The following TBC1D5 variants were observed in gnomAD, a reference collection of about 807,000 sequenced individuals.
TBC1D5 encodes TBC1 domain family, member 5.
TBC1D5 carries 75 observed loss-of-function variants against 100.3 expected under a neutral mutation model. That is an observed-to-expected ratio of 0.75 (90% CI 0.62 to 0.91). The LOEUF (loss-of-function observed/expected upper bound fraction) is 0.91. TBC1D5 is among the 40% of genes least tolerant of loss of function. TBC1D5 has a pLI of 0.00. For synonymous variants in TBC1D5, 323 were observed against 325.6 expected (o/e 0.99, Z 0.09); for missense variants, 910 against 942.4 (o/e 0.97, Z 0.45).
intron 1 of TBC1D5, among the ~76,000 whole-genome samples, chr3:17,695,371 A>G (rs2071870145): frequency 6.6e-6 from 1 of 152,218 alleles, no homozygotes; most frequent in Non-Finnish European, 1.5e-5. Flanking sequence ...GCAATGACGC[A>G]CATAGGCTAA....
chr3:17,402,357 C>A (rs189362258), intron 8 of TBC1D5, among the ~76,000 whole-genome samples: 1 of 152,044 alleles, frequency 6.6e-6, no homozygotes, highest in Admixed American at 6.6e-5. Context: ...GAGATACTCA[C>A]GATTCTGCAC....
intron 2 of TBC1D5, among the ~76,000 whole-genome samples, chr3:17,596,163 T>TA (rs1350180028): frequency 6.6e-6 from 1 of 152,166 alleles, no homozygotes; most frequent in Non-Finnish European, 1.5e-5. Context: ...GCCAATAGCC[T>TA]AAAAACCATC....
chr3:17,331,245 C>T (rs2086828859), intron 13 of TBC1D5, among the ~76,000 whole-genome samples: 1 of 152,186 alleles, frequency 6.6e-6, no homozygotes, highest in Non-Finnish European at 1.5e-5. Context: ...CAACTCCCAA[C>T]TCCAGCCCCT....
chr3:17,255,902 A>G (rs910543260), intron 16 of TBC1D5, among the ~76,000 whole-genome samples: 3 of 152,078 alleles, frequency 2.0e-5, no homozygotes, highest in Non-Finnish European at 4.4e-5. Flanking sequence ...CAGGCGTGGC[A>G]GCGTGCGCCT....
chr3:17,581,350 A>ATGTT (rs2096695021), intron 2 of TBC1D5, among the ~76,000 whole-genome samples: 1 of 152,158 alleles, frequency 6.6e-6, no homozygotes, highest in Admixed American at 6.5e-5. Context: ...TACAATTAAC[A>ATGTT]ACTTCCACAG....
chr3:17,373,769 G>T lies in TBC1D5; in HGVS notation c.822+702C>A, dbSNP rs117196188. Among the ~76,000 whole-genome samples, 116 of 152,170 alleles carry T rather than the reference G, an allele frequency of 7.6e-4. 2 individuals are homozygous for T. In the East Asian group the frequency reaches 0.021, roughly 28 times the overall value. On this transcript the variant is annotated intron_variant, in intron 12 of 21. Coordinates refer to ENST00000253692, the Ensembl canonical transcript of TBC1D5. ...AGTCACAAATGGCAGTGTATTATAT[G>T]ATTCCACTTATATGAAATATCCAGA...
chr3:17,624,869 G>T (rs542242403), intron 1 of TBC1D5, among the ~76,000 whole-genome samples: 1 of 151,988 alleles, frequency 6.6e-6, no homozygotes, highest in Non-Finnish European at 1.5e-5. Context: ...AAAACAACAC[G>T]TAACTTTTAT....
intron 13 of TBC1D5, among the ~76,000 whole-genome samples, chr3:17,357,384 ACAAAAGAGTGGGAGTGAAAAGT>A (rs894749235): frequency 5.9e-5 from 9 of 152,330 alleles, no homozygotes; most frequent in East Asian, 1.9e-4. Context: ...TGCATTTTCC[ACAAAAGAGTGGGAGTGAAAAGT>A]CAAAAGAGTG....
intron 2 of TBC1D5, chr3:17,575,389 C>T (rs909080431): frequency 7.9e-5 from 12 of 151,932 alleles, no homozygotes; most frequent in South Asian, 2.1e-4. Flanking sequence ...GAAATTCAAG[C>T]CTCCCTTTCT....
exon 17 of TBC1D5, chr3:17,238,262 T>C (rs1331915124): frequency 6.2e-7 from 1 of 1,614,040 alleles, no homozygotes; most frequent in Non-Finnish European, 8.5e-7. Context: ...GAGGTCCTGG[T>C]AGGAATTACA....
chr3:17,548,080 C>T (rs1240554547), intron 2 of TBC1D5, among the ~76,000 whole-genome samples: 1 of 151,920 alleles, frequency 6.6e-6, no homozygotes, highest in East Asian at 1.9e-4. Flanking sequence ...TTTGGGAGGC[C>T]AAGGTGGGTG....
intron 2 of TBC1D5, among the ~76,000 whole-genome samples, chr3:17,602,722 G>A (rs1293300664): frequency 5.3e-5 from 8 of 151,432 alleles, no homozygotes; most frequent in East Asian, 3.9e-4. Context: ...ACAGGCGCCC[G>A]CCACCACACC....
At chr3:17,707,919 T>C (rs1244171683) in intron 1 of TBC1D5, among the ~76,000 whole-genome samples, 1 of 152,168 alleles carries the variant, frequency 6.6e-6, no homozygotes, top group Non-Finnish European at 1.5e-5. Context: ...AAAGGTAATA[T>C]TACAAACATC....
intron 1 of TBC1D5, among the ~76,000 whole-genome samples, chr3:17,693,932 TG>T (rs2071587272): frequency 1.3e-5 from 2 of 152,194 alleles, no homozygotes; most frequent in Admixed American, 1.3e-4. Flanking sequence ...CAGCCTCCGC[TG>T]GTGATACCCA....
intron 1 of TBC1D5, among the ~76,000 whole-genome samples, chr3:17,709,566 G>A (rs557172905): frequency 4.6e-5 from 7 of 152,066 alleles, no homozygotes; most frequent in South Asian, 4.2e-4. Flanking sequence ...ATCTTATATG[G>A]GTTTCTGTTA....
intron 1 of TBC1D5, among the ~76,000 whole-genome samples, chr3:17,654,148 A>G (rs911758757): frequency 3.3e-5 from 5 of 152,194 alleles, no homozygotes; most frequent in Non-Finnish European, 5.9e-5. Context: ...AAAAAATCAA[A>G]ACAAAACACT....
intron 17 of TBC1D5, among the ~76,000 whole-genome samples, chr3:17,235,051 A>AT (rs1159367963): frequency 6.6e-6 from 1 of 151,976 alleles, no homozygotes; most frequent in Non-Finnish European, 1.5e-5. Context: ...TTTGAAGGAG[A>AT]TTTTCAATTC....
chr3:17,208,716 T>A (rs1445878203), intron 18 of TBC1D5, among the ~76,000 whole-genome samples: 1 of 152,218 alleles, frequency 6.6e-6, no homozygotes, highest in African/African-American at 2.4e-5. Context: ...AGTTTTAAGT[T>A]AAAGTACCAT....
rs1189105617 is a variant in TBC1D5, at chr3:17,728,071, G to GACAA, written c.-101+11271_-101+11272insTTGT. On this transcript the variant is annotated intron_variant, in intron 1 of 21. Transcript: ENST00000253692. ...TCAAGAGAAACCCAAAAAGGCATTT[G>GACAA]ATAACAGTCAACATCCACACCTTAC... Among the ~76,000 whole-genome samples the GACAA allele has an allele frequency of 2.0e-5, 3 of 152,276 alleles. No homozygotes were observed. The East Asian group carries it at 5.8e-4, about 29-fold the overall frequency.
Sources: allele counts gnomAD v4.1 joint callset (sites outside exome capture counted in the v4.1 genomes callset), GRCh38; gene constraint gnomAD v4.1.1; transcripts MANE v1.5; gene names NCBI Gene and HGNC (gene_info 2026-07-23, HGNC 2026-07-21).